The following TUBGCP5 variants were observed in gnomAD, a reference collection of about 807,000 sequenced individuals.
TUBGCP5 encodes gamma-tubulin complex component 5.
Under a neutral mutation model 134.7 loss-of-function variants are expected in TUBGCP5, and 98 were observed. The observed-to-expected ratio is 0.73, with a 90% CI of 0.62 to 0.86. The LOEUF (loss-of-function observed/expected upper bound fraction) is 0.86. Ranked by LOEUF, TUBGCP5 falls within the 40% of genes least tolerant of loss-of-function variation. The probability of loss-of-function intolerance (pLI) is 0.00; values close to 1 mark genes in which losing one functional copy is unlikely to be tolerated. For synonymous variants in TUBGCP5, 456 were observed against 431.4 expected, an observed-to-expected ratio of 1.06 and a Z score of -0.71; for missense variants, 1,150 against 1,244.8, an observed-to-expected ratio of 0.92 and a Z score of 1.15.
intron 19 of TUBGCP5, 33 bp from the exon 20 acceptor site, chr15:23,004,260 A>C: frequency 6.2e-7 from 1 of 1,601,584 alleles, no homozygotes. Context: ...CTTCATCAGC[A>C]GCCTTCTTTG....
In TUBGCP5 at chr15:23,013,475, G is replaced by A. The variant is rs2065153420; in HGVS notation, c.1757-2144C>T. The stretch of plus-strand genomic sequence containing the variant: ...AAAAAAGATCCGACTGGAGTTGAAG[G>A]GCGAGTGCTGGAGTGCAGAGGGGGA... On this transcript the variant is annotated intron_variant, in intron 13 of 22. Transcript: ENST00000615383. This position sits in a 1 kb window ranked among gnomAD's most constrained non-coding sequence, Gnocchi z 4.5. Among the ~76,000 whole-genome samples, 1 of 152,102 alleles carries A rather than the reference G, an allele frequency of 6.6e-6. No individual in the cohort carries two copies. Among genetic ancestry groups the A allele is most frequent in the Non-Finnish European group, 1.5e-5 (1 of 67,994 alleles).
At position 23,005,627 on chromosome 15, in the gene TUBGCP5, G is replaced by A. The variant is rs371992976; in HGVS notation, c.2534-17C>T. 1.2e-6 allele frequency: 2 copies of A among 1,605,258 alleles called. No homozygotes were observed. The highest frequency in any genetic ancestry group is 1.7e-6 in the Non-Finnish European group (2 of 1,174,310). ...TAACCAGTTCTATAAAACATTGGAA[G>A]AGCAAAGTGGACAGAAAGAGCATCA... is the stretch of plus-strand genomic sequence containing the variant. On this transcript the variant is annotated splice_polypyrimidine_tract_variant and intron_variant, in intron 18 of 22. Coordinates refer to ENST00000615383, the MANE Select transcript of TUBGCP5 (RefSeq NM_052903.6).
chr15:23,002,971 C>A lies in TUBGCP5; in HGVS notation c.2927+94G>T, dbSNP rs1365876410. ...GGTCAAGCAATCCTCTCCTCTCAGC[C>A]TCCTGAATGGCTGGGAAGACCCTGT... On this transcript the variant is annotated intron_variant, in intron 21 of 22. Transcript: ENST00000615383. The A allele has an allele frequency of 4.7e-6, 6 of 1,264,516 alleles. No individual in the cohort carries two copies. The South Asian group carries it at 5.1e-5, about 11-fold the overall frequency. 78.3% of individuals were successfully genotyped at this position (1,264,516 alleles called of 1,614,324 possible). A position where few individuals can be genotyped will look rare whatever the true frequency, so the allele number is the denominator to read the frequency against.
intron 17 of TUBGCP5, 31 bp from the exon 18 acceptor site, chr15:23,006,203 C>T: frequency 2.5e-6 from 4 of 1,610,392 alleles, no homozygotes; most frequent in Non-Finnish European, 3.4e-6. Flanking sequence ...TAGAAAGTAA[C>T]CAATTACTTG....
intron 23 of TUBGCP5, among the ~76,000 whole-genome samples, chr15:22,993,481 T>G (rs1567082884): frequency 7.2e-6 from 1 of 139,602 alleles, no homozygotes. Flanking sequence ...CACTAGACCC[T>G]CGACCTCCTG....
chr15:22,991,669 G>A (rs913221167), intron 23 of TUBGCP5, among the ~76,000 whole-genome samples: 5 of 152,122 alleles, frequency 3.3e-5, no homozygotes, highest in Non-Finnish European at 5.9e-5. Context: ...TAATCAAAAG[G>A]AACAGAATCT....
intron 11 of TUBGCP5, among the ~76,000 whole-genome samples, chr15:23,021,576 C>A (rs544663825): frequency 6.6e-6 from 1 of 152,136 alleles, no homozygotes; most frequent in Admixed American, 6.5e-5. Flanking sequence ...AACTCTGTAC[C>A]CATTAAACAA....
intron 3 of TUBGCP5, among the ~76,000 whole-genome samples, chr15:23,033,767 A>G (rs1022394100): frequency 3.3e-5 from 5 of 152,192 alleles, no homozygotes; most frequent in African/African-American, 1.2e-4. Context: ...GGTGAAAAAC[A>G]TTCTCTCAGT....
At chr15:22,994,262 G>C (rs1183124978), downstream of TUBGCP5, among the ~76,000 whole-genome samples, 1 of 151,920 alleles carries the variant, frequency 6.6e-6, no homozygotes, top group Non-Finnish European at 1.5e-5. Flanking sequence ...TAATTGTTTT[G>C]TATTTTTAGT....
chr15:23,022,074 C>T lies in TUBGCP5; in HGVS notation c.1256G>A (p.Gly419Glu). The part of the protein sequence containing the change: ...LKVLHKVFST[G>E]VAEVPPDTRN... ...AGTATCAGGTGGAACTTCTGCTACT[C>T]CAGTACTAAACACTTTGTGCAGAAC... is the stretch of plus-strand genomic sequence containing the variant. The change falls in exon 11 of 23, where the codon GGA (glycine) becomes GAA (glutamate). Residue 419 changes from glycine (G) to glutamate (E), a missense_variant. Gly to Glu is a moderately conservative substitution (Grantham distance 98). Transcript: ENST00000615383. 6.2e-7 allele frequency: 1 copy of T among 1,614,172 alleles called. No individual in the cohort carries two copies. Among genetic ancestry groups the T allele is most frequent in the Non-Finnish European group, 8.5e-7 (1 of 1,180,018 alleles).
rs746991463 is a variant in TUBGCP5, at chr15:23,036,887, G to T, written c.309+10C>A. 4 of 1,511,542 alleles carry T rather than the reference G, an allele frequency of 2.6e-6. No individual in the cohort carries two copies. The highest frequency in any genetic ancestry group is 3.7e-6 in the Non-Finnish European group (4 of 1,095,816). 93.6% of individuals were successfully genotyped at this position (1,511,542 alleles called of 1,614,324 possible). ...AATACACAGTGGAGATCTCATAATT[G>T]AAGGCATACCTTTATTTCCTTTATA... On this transcript the variant is annotated intron_variant, in intron 3 of 22. Coordinates refer to ENST00000615383, the MANE Select transcript of TUBGCP5 (RefSeq NM_052903.6).
At chr15:23,037,179 T>C (rs747690783) in intron 1 of TUBGCP5, 27 bp from the exon 2 acceptor site, 6 of 1,609,624 alleles carry the variant, frequency 3.7e-6, no homozygotes, top group Admixed American at 1.7e-5. Context: ...GCAATTCTTA[T>C]GCCAACTCTG....
In TUBGCP5 at chr15:23,000,669, T is replaced by C. The variant is rs746597253; in HGVS notation, c.2928A>G (p.Arg976=). ...ATTCCATTTTCTCTATAGATTCCAT[T>C]CTAGGAATAAAAGTAAATTTCAATT... ...DGWQAGLGTW[R]MESIEKMESD... Residue 976 remains arginine, a splice_region_variant and synonymous_variant, in exon 22 of 23, where the codon CGA becomes CGG. Transcript: ENST00000615383. 3.6e-5 allele frequency: 58 copies of C among 1,593,574 alleles called. No homozygotes were observed. The highest frequency in any genetic ancestry group is 4.3e-5 in the Non-Finnish European group (50 of 1,166,396).
chr15:22,989,883 A>G (rs1486926816), intron 23 of TUBGCP5, among the ~76,000 whole-genome samples: 1 of 152,076 alleles, frequency 6.6e-6, no homozygotes, highest in East Asian at 1.9e-4. Flanking sequence ...ACAGCCTCCT[A>G]ACTTCAGGAC....
At chr15:23,002,550 C>G (rs2064447662) in intron 21 of TUBGCP5, among the ~76,000 whole-genome samples, 1 of 152,174 alleles carries the variant, frequency 6.6e-6, no homozygotes, top group African/African-American at 2.4e-5. Context: ...ATAACAAACA[C>G]TCTCAAAACA....
In TUBGCP5 at chr15:23,017,900, G is replaced by C; in HGVS notation, c.1629C>G (p.Ser543Arg). ...ASSGSDQGPS[S>R]RQHTMVSFLK... ...GGAAGGACACCATGGTGTGCTGCCT[G>C]CTGGAGGGCCCCTGGTCACTGCCGG... The change falls in exon 13 of 23, where the codon AGC becomes AGG. Residue 543 changes from serine (S) to arginine (R), a missense_variant. Around this residue, in one of 2 missense-constraint regions of TUBGCP5, gnomAD observed 697 missense variants for 850.1 expected, o/e 0.82. Transcript: ENST00000615383. 6.2e-7 allele frequency: 1 copy of C among 1,614,156 alleles called. No homozygotes were observed. The highest frequency in any genetic ancestry group is 1.7e-5 in the Admixed American group (1 of 60,016).
chr15:23,003,200 C>T (rs1464485957), intron 20 of TUBGCP5, 47 bp from the exon 21 acceptor site: 2 of 1,548,148 alleles, frequency 1.3e-6, no homozygotes, highest in Non-Finnish European at 1.8e-6. Flanking sequence ...TAGGTTTGGA[C>T]ACTGATACCA....
intron 3 of TUBGCP5, among the ~76,000 whole-genome samples, chr15:23,036,248 C>G (rs569822194): frequency 6.6e-6 from 1 of 152,222 alleles, no homozygotes; most frequent in African/African-American, 2.4e-5. Context: ...AAGGCTCAGC[C>G]GAGTGGCCCT....
Position 23,024,568 on chromosome 15 carries a change from C to T in TUBGCP5, c.921+169G>A, listed in dbSNP as rs576401508. ...CTCTACGTACTATAAAGATGCACAA[C>T]TCAATTTTTCTTTTTGGATATTAAA... On this transcript the variant is annotated intron_variant, in intron 9 of 22. Coordinates refer to ENST00000615383, the MANE Select transcript of TUBGCP5 (RefSeq NM_052903.6). 1.5e-4 allele frequency among the ~76,000 whole-genome samples: 23 copies of T among 152,192 alleles called. No homozygotes were observed. In the South Asian group the frequency reaches 2.9e-3, roughly 19 times the overall value.
Sources: allele counts gnomAD v4.1 joint callset (sites outside exome capture counted in the v4.1 genomes callset), GRCh38; gene constraint gnomAD v4.1.1; regional missense constraint gnomAD v4.1.1; non-coding constraint Gnocchi (gnomAD v3.1); transcripts MANE v1.5; gene names NCBI Gene and HGNC (gene_info 2026-07-23, HGNC 2026-07-21).